The following ERP27 variants were observed in gnomAD, a reference collection of about 807,000 sequenced individuals.
ERP27 encodes endoplasmic reticulum resident protein 27.
A neutral mutation model predicts 27.7 loss-of-function variants in ERP27; 23 were observed. The observed-to-expected ratio is 0.83, with a 90% CI of 0.60 to 1.18. The LOEUF is 1.18. Ranked by LOEUF, ERP27 falls within the 50% of genes most tolerant of loss-of-function variation. ERP27 has a pLI of 0.00. For missense variants in ERP27, 363 were observed against 327.9 expected, an observed-to-expected ratio of 1.11 and a Z score of -0.83; for synonymous variants, 159 against 118.3, an observed-to-expected ratio of 1.34 and a Z score of -2.23.
intron 2 of ERP27, among the ~76,000 whole-genome samples, chr12:14,937,446 A>G (rs1273021914): frequency 6.6e-6 from 1 of 152,220 alleles, no homozygotes; most frequent in African/African-American, 2.4e-5. Context: ...TCATTTTCCA[A>G]CATTTCAGAC....
chr12:14,931,559 A>C (rs1441444124), intron 3 of ERP27, among the ~76,000 whole-genome samples: 1 of 152,188 alleles, frequency 6.6e-6, no homozygotes, highest in African/African-American at 2.4e-5. Flanking sequence ...GCACATAAAT[A>C]ATCTTGCCCA....
chr12:14,921,934 C>T (rs966939044), intron 3 of ERP27, among the ~76,000 whole-genome samples: 2 of 152,088 alleles, frequency 1.3e-5, no homozygotes, highest in African/African-American at 2.4e-5. Context: ...AAACAAACTT[C>T]TTTGGCTTAA....
chr12:14,928,897 A>C (rs1038704167), intron 3 of ERP27: 2 of 1,522,660 alleles, frequency 1.3e-6, no homozygotes, highest in African/African-American at 2.8e-5. Flanking sequence ...TGAGCACACA[A>C]AAAAATAATA....
chr12:14,923,073 CAAAAAA>C (rs34941606), intron 3 of ERP27, among the ~76,000 whole-genome samples: 1 of 126,784 alleles, frequency 7.9e-6, no homozygotes, highest in African/African-American at 2.8e-5. Context: ...AACTCTGTCT[CAAAAAA>C]AAAAAAAAAA....
At chr12:14,923,244 C>A (rs1174380406) in intron 3 of ERP27, among the ~76,000 whole-genome samples, 1 of 152,154 alleles carries the variant, frequency 6.6e-6, no homozygotes. Flanking sequence ...GGAATCTACA[C>A]CATTGGTGCT....
At chr12:14,933,208 C>T (rs1403925803) in intron 3 of ERP27, among the ~76,000 whole-genome samples, 2 of 152,146 alleles carry the variant, frequency 1.3e-5, no homozygotes, top group Admixed American at 1.3e-4. Context: ...TTTGCCTTCA[C>T]ATAGCATGGG....
intron 4 of ERP27, among the ~76,000 whole-genome samples, chr12:14,920,471 A>C (rs1216715454): frequency 6.6e-6 from 1 of 152,230 alleles, no homozygotes; most frequent in Non-Finnish European, 1.5e-5. Context: ...GCTTCATTTA[A>C]AATTTTTTTG....
At position 14,938,021 on chromosome 12, in the gene ERP27, C is replaced by G. The variant is rs760214627; in HGVS notation, c.126G>C (p.Trp42Cys). Residue 42 changes from tryptophan to cysteine, a missense_variant, in exon 2 of 7, where the codon TGG becomes TGC. Transcript: ENST00000266397. The stretch of plus-strand genomic sequence containing the variant: ...CCATGGCAGCTGGGACATCTGTGAG[C>G]CACGTGGGTTCCTGGGCAGCACCAG... The part of the protein sequence containing the change: ...DGPGAAQEPT[W>C]LTDVPAAMEF... 1 of 1,613,960 alleles carries G rather than the reference C, an allele frequency of 6.2e-7. No individual in the cohort carries two copies. Among genetic ancestry groups the G allele is most frequent in the East Asian group, 2.2e-5 (1 of 44,888 alleles).
At chr12:14,923,482 ATC>A (rs1189457406) in intron 3 of ERP27, among the ~76,000 whole-genome samples, 53 of 136,574 alleles carry the variant, frequency 3.9e-4, no homozygotes, top group African/African-American at 1.5e-3. Flanking sequence ...ATATCTATCT[ATC>A]TATAATCAAT....
chr12:14,930,030 G>C (rs979324966), intron 3 of ERP27, among the ~76,000 whole-genome samples: 7 of 151,858 alleles, frequency 4.6e-5, no homozygotes, highest in Non-Finnish European at 2.9e-5. Context: ...TAGGGGGCTG[G>C]GGGAGGGAGA....
At chr12:14,933,724 C>T (rs1863732191) in intron 3 of ERP27, among the ~76,000 whole-genome samples, 1 of 152,138 alleles carries the variant, frequency 6.6e-6, no homozygotes, top group Non-Finnish European at 1.5e-5. Context: ...ATCAGAAACC[C>T]CTATTTCTGC....
At position 14,934,877 on chromosome 12, in the gene ERP27, G is replaced by T; in HGVS notation, c.312C>A (p.Asn104Lys). The change falls in exon 3 of 7, where the codon AAC (asparagine) becomes AAA (lysine). Residue 104 changes from asparagine to lysine, a missense_variant. Coordinates refer to ENST00000266397, the MANE Select transcript of ERP27 (RefSeq NM_152321.4). ...EVLTHYNITG[N>K]TICLFRLVDN... Reference sequence around the variant, plus strand: ...TTACCAGGCGAAAGAGGCAGATGGTGTTCCCAGTGATGTTGTAGTGTGTCA... The same window carrying T: ...TTACCAGGCGAAAGAGGCAGATGGTTTTCCCAGTGATGTTGTAGTGTGTCA... The T allele has an allele frequency of 6.2e-7, 1 of 1,614,058 alleles. No individual in the cohort carries two copies. Among genetic ancestry groups the T allele is most frequent in the Non-Finnish European group, 8.5e-7 (1 of 1,179,922 alleles).
chr12:14,924,166 T>C (rs1365551220), intron 3 of ERP27, among the ~76,000 whole-genome samples: 3 of 152,212 alleles, frequency 2.0e-5, no homozygotes, highest in Non-Finnish European at 2.9e-5. Context: ...CTTAACATAA[T>C]GTCCTCTGGG....
At chr12:14,921,831 T>C in intron 3 of ERP27, among the ~76,000 whole-genome samples, 1 of 152,144 alleles carries the variant, frequency 6.6e-6, no homozygotes, top group East Asian at 1.9e-4. Context: ...ATGTTGACCA[T>C]TTTCATCCTT....
intron 3 of ERP27, among the ~76,000 whole-genome samples, chr12:14,934,336 T>C (rs1026369429): frequency 6.6e-5 from 10 of 152,222 alleles, no homozygotes; most frequent in Non-Finnish European, 1.2e-4. Context: ...CTTTTTATTA[T>C]AGATACTTGC....
chr12:14,936,796 T>A (rs1409977070), intron 2 of ERP27, among the ~76,000 whole-genome samples: 1 of 152,146 alleles, frequency 6.6e-6, no homozygotes, highest in Non-Finnish European at 1.5e-5. Context: ...GATTGTAAAT[T>A]TCCTCAGGCC....
In ERP27 at chr12:14,914,603, C is replaced by A; in HGVS notation, c.*132G>T. On this transcript the variant is annotated 3_prime_UTR_variant, in exon 7 of 7. Transcript: ENST00000266397. ...GCGTGTGTGTGTGCACGCGTGCGTG[C>A]GTGTGTGCACGTGCGTGTGTGTGTG... 1 of 663,762 alleles carries A rather than the reference C, an allele frequency of 1.5e-6. No homozygotes were observed. 41.1% of individuals were successfully genotyped at this position (663,762 alleles called of 1,614,324 possible). A position where few individuals can be genotyped will look rare whatever the true frequency, so the allele number is the denominator to read the frequency against.
At chr12:14,933,901 A>G (rs996992631) in intron 3 of ERP27, among the ~76,000 whole-genome samples, 2 of 152,116 alleles carry the variant, frequency 1.3e-5, no homozygotes, top group African/African-American at 4.8e-5. Context: ...GCCTAACAAA[A>G]GCTCCCTCTT....
intron 3 of ERP27, among the ~76,000 whole-genome samples, 189 bp from the exon 4 acceptor site, chr12:14,921,237 C>A (rs1863498941): frequency 6.6e-6 from 1 of 152,180 alleles, no homozygotes; most frequent in Admixed American, 6.5e-5. Flanking sequence ...AAATTTCCCA[C>A]ATGATGTGGC....
Sources: gnomAD v4.1 joint callset for allele counts (sites outside exome capture counted in the v4.1 genomes callset) on GRCh38, gnomAD v4.1.1 for gene constraint, MANE v1.5 for transcripts, NCBI Gene and HGNC (gene_info 2026-07-23, HGNC 2026-07-21) for gene names.